ELMO1: variants seen among roughly 807,000 people sequenced by gnomAD.
ELMO1 encodes engulfment and cell motility protein 1.
In ELMO1, 26 loss-of-function variants were observed where a neutral mutation model predicts 98.9. The ratio of observed to expected loss-of-function variants is 0.26; its 90% CI spans 0.19 to 0.36. The LOEUF is 0.36. Among genes scored for constraint, ELMO1 ranks in the 10% least tolerant of loss-of-function variants. The pLI is 1.00. For missense variants in ELMO1, 627 were observed against 935.2 expected (o/e 0.67, Z 4.30); for synonymous variants, 346 against 346.0 (o/e 1.00, Z 0.00).
intron 1 of ELMO1, among the ~76,000 whole-genome samples, chr7:37,427,104 G>T (rs1804742494): frequency 6.6e-6 from 1 of 152,078 alleles, no homozygotes; most frequent in African/African-American, 2.4e-5. Context: ...ACCACAAGGG[G>T]GTCTTCTTTA....
At chr7:37,053,971 G>A (rs1173730326) in intron 15 of ELMO1, among the ~76,000 whole-genome samples, 2 of 152,022 alleles carry the variant, frequency 1.3e-5, no homozygotes, top group South Asian at 2.1e-4. Flanking sequence ...TTGGTTTGGG[G>A]TATCCTAAAA....
intron 4 of ELMO1, among the ~76,000 whole-genome samples, chr7:37,287,710 T>C (rs1797466600): frequency 6.6e-6 from 1 of 152,240 alleles, no homozygotes; most frequent in African/African-American, 2.4e-5. Context: ...TAGCTTTTCA[T>C]TGTACTTGGA....
At chr7:37,290,242 T>C (rs1389599540) in intron 4 of ELMO1, among the ~76,000 whole-genome samples, 1 of 152,134 alleles carries the variant, frequency 6.6e-6, no homozygotes, top group Non-Finnish European at 1.5e-5. Context: ...AGTTTTTTAG[T>C]ATTAAAAAAA....
At chr7:37,358,196 T>C (rs989995466) in intron 1 of ELMO1, among the ~76,000 whole-genome samples, 6 of 152,220 alleles carry the variant, frequency 3.9e-5, no homozygotes, top group Admixed American at 2.6e-4. Context: ...AACCCTGTGT[T>C]GGCAGTTTGC....
intron 15 of ELMO1, among the ~76,000 whole-genome samples, chr7:37,080,022 A>G (rs1379107187): frequency 2.0e-5 from 3 of 152,206 alleles, no homozygotes; most frequent in African/African-American, 7.2e-5. Flanking sequence ...CAAACAAAAC[A>G]GAACTCCTAA....
At chr7:36,922,800 C>T (rs774116962) in intron 16 of ELMO1, among the ~76,000 whole-genome samples, 3 of 152,206 alleles carry the variant, frequency 2.0e-5, no homozygotes, top group Non-Finnish European at 4.4e-5. Flanking sequence ...ATTCGTCTTT[C>T]ATGACAGCTT....
intron 16 of ELMO1, among the ~76,000 whole-genome samples, chr7:36,972,992 G>T (rs1367052711): frequency 6.6e-6 from 1 of 152,134 alleles, no homozygotes; most frequent in Non-Finnish European, 1.5e-5. Flanking sequence ...TGTTGACCAG[G>T]CTGGTCTCGA....
intron 1 of ELMO1, among the ~76,000 whole-genome samples, chr7:37,379,336 C>T (rs960737307): frequency 3.9e-5 from 6 of 152,108 alleles, no homozygotes; most frequent in African/African-American, 1.2e-4. Flanking sequence ...CCACCGCGCC[C>T]GGCCTCATCA....
intron 16 of ELMO1, among the ~76,000 whole-genome samples, chr7:36,974,337 T>G (rs1352353581): frequency 2.0e-5 from 3 of 152,106 alleles, no homozygotes; most frequent in Non-Finnish European, 4.4e-5. Context: ...GTGGTGGGGA[T>G]GTGGAGAACC....
At chr7:37,151,452 G>T (rs1037024347) in intron 13 of ELMO1, among the ~76,000 whole-genome samples, 53 of 152,176 alleles carry the variant, frequency 3.5e-4, no homozygotes, top group African/African-American at 1.1e-3. Flanking sequence ...TGAGAACTGG[G>T]TAACAAAATC....
chr7:37,211,175 A>G (rs1285173873), intron 13 of ELMO1: 10 of 606,446 alleles, frequency 1.6e-5, no homozygotes, highest in Non-Finnish European at 2.0e-5. Context: ...CAAATGCAGT[A>G]TTAGTCACAC....
At chr7:37,095,418 A>T (rs1192698149) in intron 15 of ELMO1, among the ~76,000 whole-genome samples, 1 of 152,230 alleles carries the variant, frequency 6.6e-6, no homozygotes, top group East Asian at 1.9e-4. Context: ...GGATAACTCA[A>T]GTCAAGGATC....
At chr7:37,287,901 T>C (rs2392488) in intron 4 of ELMO1, among the ~76,000 whole-genome samples, 84,988 of 152,082 alleles carry the variant, frequency 0.56, 24,225 homozygotes, top group East Asian at 0.77. Context: ...TTTCCTACAA[T>C]GCTAGGGTCT....
At chr7:36,943,931 C>G (rs1787261749) in intron 16 of ELMO1, among the ~76,000 whole-genome samples, 1 of 152,040 alleles carries the variant, frequency 6.6e-6, no homozygotes, top group African/African-American at 2.4e-5. Flanking sequence ...AAAATCACAA[C>G]AATAGGGCTG....
At chr7:37,028,774 G>A (rs770385963) in intron 15 of ELMO1, among the ~76,000 whole-genome samples, 6 of 152,096 alleles carry the variant, frequency 3.9e-5, no homozygotes, top group Non-Finnish European at 8.8e-5. Flanking sequence ...TACAGAAAAG[G>A]TCTTGCTGTG....
chr7:37,209,689 G>A (rs1759441431), intron 13 of ELMO1, among the ~76,000 whole-genome samples: 1 of 152,146 alleles, frequency 6.6e-6, no homozygotes, highest in Non-Finnish European at 1.5e-5. Flanking sequence ...ACTTGGAATT[G>A]AGGGTGAGGT....
At chr7:37,292,717 G>A (rs1238918771) in intron 4 of ELMO1, among the ~76,000 whole-genome samples, 32 of 83,252 alleles carry the variant, frequency 3.8e-4, no homozygotes, top group African/African-American at 1.1e-3. Context: ...CCCGGCAGCC[G>A]CCCCGTCCGG....
intron 16 of ELMO1, among the ~76,000 whole-genome samples, chr7:36,994,127 T>C (rs116412074): frequency 0.02 from 3,013 of 152,298 alleles, 112 homozygotes; most frequent in African/African-American, 0.069. Context: ...CTTCAAGTCT[T>C]GGGAACCCAA....
At chr7:37,330,226 C>T (rs78692830) in intron 2 of ELMO1, among the ~76,000 whole-genome samples, 2,461 of 152,302 alleles carry the variant, frequency 0.016, 78 homozygotes, top group African/African-American at 0.057. Flanking sequence ...ATTAGTGGAA[C>T]TGCCAATTAG....
Sources: allele counts gnomAD v4.1 joint callset (sites outside exome capture counted in the v4.1 genomes callset), GRCh38; gene constraint gnomAD v4.1.1; transcripts MANE v1.5; gene names NCBI Gene and HGNC (gene_info 2026-07-23, HGNC 2026-07-21).